Variants in BBX observed in about 807,000 individuals in gnomAD.
BBX encodes BBX high mobility group box domain containing, also known as HMG box transcription factor BBX.
In BBX, 30 loss-of-function variants were observed where a neutral mutation model predicts 100.2. That is an observed-to-expected ratio of 0.30 (90% CI 0.22 to 0.41). The LOEUF (loss-of-function observed/expected upper bound fraction) is 0.41. Among genes scored for constraint, BBX ranks in the 10% least tolerant of loss-of-function variants. The pLI is 1.00. For missense variants in BBX, 1,023 were observed against 1,129.8 expected (o/e 0.91, Z 1.35); for synonymous variants, 376 against 388.1 (o/e 0.97, Z 0.37).
At chr3:107,781,250 G>A (rs2067855804) in intron 13 of BBX, among the ~76,000 whole-genome samples, 1 of 151,756 alleles carries the variant, frequency 6.6e-6, no homozygotes, top group Admixed American at 6.6e-5. Flanking sequence ...TCTTTCCCAT[G>A]GTCATCCTAC....
intron 3 of BBX, among the ~76,000 whole-genome samples, chr3:107,659,244 T>A (rs2058312834): frequency 6.6e-6 from 1 of 151,990 alleles, no homozygotes; most frequent in African/African-American, 2.4e-5. Context: ...CATTTTATTA[T>A]ATTTATTTTA....
At chr3:107,544,657 G>C (rs914365837) in intron 2 of BBX, among the ~76,000 whole-genome samples, 1 of 151,616 alleles carries the variant, frequency 6.6e-6, no homozygotes, top group Non-Finnish European at 1.5e-5. Flanking sequence ...GATCACTTGA[G>C]GCCAGGAGTT....
intron 2 of BBX, among the ~76,000 whole-genome samples, chr3:107,534,264 C>G (rs1324255176): frequency 6.6e-6 from 1 of 152,156 alleles, no homozygotes; most frequent in Admixed American, 6.5e-5. Flanking sequence ...ATTAAAAATG[C>G]TGGCTTGTTT....
At chr3:107,554,885 A>G (rs925284549) in intron 2 of BBX, among the ~76,000 whole-genome samples, 2 of 152,094 alleles carry the variant, frequency 1.3e-5, no homozygotes, top group Admixed American at 6.5e-5. Flanking sequence ...CCTGACCAAC[A>G]TGGAGAAACC....
rs184265756 is a variant in BBX, at chr3:107,709,139, A to T, written c.-9-1313A>T. 4.4e-4 allele frequency among the ~76,000 whole-genome samples: 67 copies of T among 152,222 alleles called. No individual in the cohort carries two copies. In the East Asian group the frequency reaches 0.012, roughly 28 times the overall value. On this transcript the variant is annotated intron_variant, in intron 3 of 17. Transcript: ENST00000325805. Reference sequence around the variant, plus strand: ...ATAGTTGGCTAGCTATTTTTTTTTAAAAAAGAAGCTAGATCCTTACCTCAC... The same window carrying T: ...ATAGTTGGCTAGCTATTTTTTTTTATAAAAGAAGCTAGATCCTTACCTCAC...
At chr3:107,535,800 T>A (rs1042990652) in intron 2 of BBX, among the ~76,000 whole-genome samples, 1 of 152,216 alleles carries the variant, frequency 6.6e-6, no homozygotes, top group Non-Finnish European at 1.5e-5. Context: ...GGTTTTGCCA[T>A]GTTGGCCAGG....
At chr3:107,781,543 A>G (rs776262684) in intron 13 of BBX, among the ~76,000 whole-genome samples, 1 of 152,114 alleles carries the variant, frequency 6.6e-6, no homozygotes, top group Admixed American at 6.6e-5. Context: ...GCTTTAAATT[A>G]TATGTCTAAA....
At chr3:107,717,335 A>G (rs543574539) in intron 5 of BBX, among the ~76,000 whole-genome samples, 5 of 152,238 alleles carry the variant, frequency 3.3e-5, no homozygotes, top group Admixed American at 2.6e-4. Flanking sequence ...TCTGCTGCTA[A>G]ATAGCTTTGT....
At chr3:107,600,112 C>T (rs1425159239) in intron 2 of BBX, among the ~76,000 whole-genome samples, 1 of 152,166 alleles carries the variant, frequency 6.6e-6, no homozygotes, top group Non-Finnish European at 1.5e-5. Flanking sequence ...GAAGCATAGC[C>T]TAAAACCATT....
At chr3:107,664,542 T>G (rs2058642934) in intron 3 of BBX, among the ~76,000 whole-genome samples, 1 of 152,244 alleles carries the variant, frequency 6.6e-6, no homozygotes, top group East Asian at 1.9e-4. Flanking sequence ...AAAGTTAGTT[T>G]TACTCTTTGT....
At chr3:107,578,104 G>C (rs781265550) in intron 2 of BBX, among the ~76,000 whole-genome samples, 18 of 152,176 alleles carry the variant, frequency 1.2e-4, no homozygotes, top group Non-Finnish European at 2.4e-4. Flanking sequence ...CAAGTTTTCA[G>C]AACTAATTTG....
intron 2 of BBX, among the ~76,000 whole-genome samples, chr3:107,632,035 G>C (rs1052862404): frequency 6.6e-6 from 1 of 151,976 alleles, no homozygotes; most frequent in Non-Finnish European, 1.5e-5. Context: ...TTCAATTTCA[G>C]ATCCTAGTGG....
chr3:107,551,995 A>G (rs375603506), intron 2 of BBX, among the ~76,000 whole-genome samples: 49 of 152,264 alleles, frequency 3.2e-4, no homozygotes, highest in South Asian at 1.7e-3. Flanking sequence ...AGATTCCCCA[A>G]TAAATAATTG....
At chr3:107,543,180 G>A (rs967314122) in intron 2 of BBX, among the ~76,000 whole-genome samples, 8 of 152,070 alleles carry the variant, frequency 5.3e-5, no homozygotes, top group Non-Finnish European at 7.4e-5. Flanking sequence ...GCTTTAAAAG[G>A]GATTCTACAG....
chr3:107,760,616 C>T (rs576686328), intron 10 of BBX, among the ~76,000 whole-genome samples: 1 of 152,180 alleles, frequency 6.6e-6, no homozygotes, highest in African/African-American at 2.4e-5. Flanking sequence ...TGATGAAACT[C>T]CACTTGAGTG....
intron 9 of BBX, 141 bp downstream of exon 9, chr3:107,748,180 T>C: frequency 1.6e-6 from 1 of 620,168 alleles, no homozygotes; most frequent in South Asian, 3.0e-5. Flanking sequence ...AGAATATTTA[T>C]TGCTTTTTCT....
intron 2 of BBX, among the ~76,000 whole-genome samples, chr3:107,553,434 T>G (rs1033059228): frequency 4.6e-5 from 7 of 152,200 alleles, no homozygotes. Flanking sequence ...AGTTACCATA[T>G]TGCTACTTTC....
chr3:107,527,933 A>T (rs1559775995), intron 2 of BBX, among the ~76,000 whole-genome samples: 2 of 152,222 alleles, frequency 1.3e-5, no homozygotes. Flanking sequence ...TCATTGCAAC[A>T]AACTGTTAAT....
Position 107,563,235 on chromosome 3 carries a change from C to T in BBX, c.-84+36837C>T, listed in dbSNP as rs149734758. ...CTGATTGTTTGTGGCCTCAGAGGCC[C>T]TCCTCTTCCCTGCCTTCTTCTCAGG... is the stretch of plus-strand genomic sequence containing the variant. On this transcript the variant is annotated intron_variant, in intron 2 of 17. Transcript: ENST00000325805. Among the ~76,000 whole-genome samples the T allele has an allele frequency of 1.5e-3, 235 of 152,262 alleles. 2 individuals carry two copies. Among genetic ancestry groups the T allele is most frequent in the African/African-American group, 5.3e-3 (222 of 41,560 alleles).
Sources: allele counts gnomAD v4.1 joint callset (sites outside exome capture counted in the v4.1 genomes callset), GRCh38; gene constraint gnomAD v4.1.1; transcripts MANE v1.5; gene names NCBI Gene and HGNC (gene_info 2026-07-23, HGNC 2026-07-21).